The following CPLX2 variants were observed in gnomAD, a reference collection of about 807,000 sequenced individuals.
CPLX2 encodes complexin 2.
Under a neutral mutation model 16.3 loss-of-function variants are expected in CPLX2, and 5 were observed. The ratio of observed to expected loss-of-function variants is 0.31; its 90% CI spans 0.16 to 0.64. The LOEUF is 0.64. Ranked by LOEUF, CPLX2 falls within the 30% of genes least tolerant of loss-of-function variation. The pLI is 0.79. For synonymous variants in CPLX2, 89 were observed against 73.2 expected, an observed-to-expected ratio of 1.22 and a Z score of -1.10; for missense variants, 144 against 181.4, an observed-to-expected ratio of 0.79 and a Z score of 1.18.
intron 2 of CPLX2, among the ~76,000 whole-genome samples, chr5:175,855,786 A>G (rs1277892486): frequency 1.3e-5 from 2 of 152,212 alleles, no homozygotes; most frequent in Non-Finnish European, 1.5e-5. Flanking sequence ...GGCCTGGATT[A>G]CATGCCAATC....
rs780637203 is a variant in CPLX2, at chr5:175,879,997, G to A, written c.357G>A (p.Thr119=). ...AGGAAGAGGAGAGCATCCTGGACAC[G>A]GTGCTCAAATACCTGCCCGGGCCGC... is the stretch of plus-strand genomic sequence containing the variant. ...EEEEEESILD[T]VLKYLPGPLQ... is the part of the protein sequence containing the mutation. The change falls in exon 4 of 4, where the codon ACG becomes ACA. Residue 119 remains threonine (T), a synonymous_variant. Coordinates refer to ENST00000393745, the MANE Select transcript of CPLX2 (RefSeq NM_001008220.2). 1.9e-6 allele frequency: 3 copies of A among 1,613,850 alleles called. No individual in the cohort carries two copies. The highest frequency in any genetic ancestry group is 1.3e-5 in the African/African-American group (1 of 74,920).
chr5:175,832,816 C>T (rs1238306224), intron 2 of CPLX2, among the ~76,000 whole-genome samples: 1 of 152,166 alleles, frequency 6.6e-6, no homozygotes, highest in African/African-American at 2.4e-5. Context: ...AGGCCCCACA[C>T]ATGAAGCCCT....
rs532327402 is a variant in CPLX2 at position 175,836,147 on chromosome 5, G to A, written c.-89+27079G>A. Reference sequence around the variant, plus strand: ...GGGCAGATCACGAGGTCAGGAGATCGAAACCATCCTGGCTAACACGGTGAA... The same window carrying A: ...GGGCAGATCACGAGGTCAGGAGATCAAAACCATCCTGGCTAACACGGTGAA... On this transcript the variant is annotated intron_variant, in intron 2 of 4. Transcript: ENST00000359546. Among the ~76,000 whole-genome samples the A allele has an allele frequency of 8.1e-4, 123 of 152,156 alleles. 1 individual carries two copies. Among genetic ancestry groups the A allele is most frequent in the Admixed American group, 4.2e-3 (64 of 15,284 alleles).
intron 2 of CPLX2, among the ~76,000 whole-genome samples, chr5:175,842,194 C>T (rs1758956406): frequency 6.6e-6 from 1 of 152,198 alleles, no homozygotes; most frequent in African/African-American, 2.4e-5. Context: ...CTGTGGGTGC[C>T]AGCAGGATGG....
intron 1 of CPLX2, among the ~76,000 whole-genome samples, chr5:175,877,161 T>G (rs1458544946): frequency 6.6e-6 from 1 of 151,860 alleles, no homozygotes; most frequent in Non-Finnish European, 1.5e-5. Flanking sequence ...TAAGTATAGC[T>G]GCCTGGATTT....
Position 175,872,654 on chromosome 5 carries a change from C to T in CPLX2, c.-89+949C>T, listed in dbSNP as rs1335762183. Among the ~76,000 whole-genome samples, 1 of 152,172 alleles carries T rather than the reference C, an allele frequency of 6.6e-6. No individual in the cohort carries two copies. The highest frequency in any genetic ancestry group is 1.5e-5 in the Non-Finnish European group (1 of 68,028). On this transcript the variant is annotated intron_variant, in intron 1 of 3. Transcript: ENST00000393745. The surrounding 1 kb of genome is among the most constrained non-coding windows in gnomAD (Gnocchi z 5.0). ...TACCTCCTCCCATCCTCCGCTGCCC[C>T]TCCCCTCCCCCATGCGTCTCCCATC...
At chr5:175,835,162 A>G (rs1055104888) in intron 2 of CPLX2, among the ~76,000 whole-genome samples, 1 of 152,192 alleles carries the variant, frequency 6.6e-6, no homozygotes, top group African/African-American at 2.4e-5. Context: ...TTTTTGAAAA[A>G]GTAAAAACTG....
At position 175,883,823 on chromosome 5, in the gene CPLX2, C is replaced by A. The variant is rs1003528340; in HGVS notation, c.*3778C>A. On this transcript the variant is annotated 3_prime_UTR_variant, in exon 4 of 4. Coordinates refer to ENST00000393745, the MANE Select transcript of CPLX2 (RefSeq NM_001008220.2). The stretch of plus-strand genomic sequence containing the variant: ...GACCATCCTGCCCCCGTGGGGGATC[C>A]CCTTTCCCACATCCGTGCTGTGTCA... 3.3e-5 allele frequency: 5 copies of A among 152,698 alleles called. No homozygotes were observed. The highest frequency in any genetic ancestry group is 2.6e-4 in the Admixed American group (4 of 15,286). 9.5% of individuals were successfully genotyped at this position (152,698 alleles called of 1,614,324 possible).
In CPLX2 at chr5:175,829,227, G is replaced by A. The variant is rs1231636911; in HGVS notation, c.-89+20159G>A. Among the ~76,000 whole-genome samples the A allele has an allele frequency of 2.0e-5, 3 of 152,214 alleles. No individual in the cohort carries two copies. In the East Asian group the frequency reaches 5.8e-4, roughly 29 times the overall value. ...ATTTTTACAACAGCCCTGCAAGGGA[G>A]GCATTACCGTCCCCAACTTCTGGGG... On this transcript the variant is annotated intron_variant, in intron 2 of 4. Coordinates refer to the CPLX2 transcript ENST00000359546.
At chr5:175,842,915 CCCA>C (rs1254309020) in intron 2 of CPLX2, among the ~76,000 whole-genome samples, 4 of 152,332 alleles carry the variant, frequency 2.6e-5, no homozygotes, top group African/African-American at 9.6e-5. Context: ...AAGAGAACAT[CCCA>C]CCAAGTTTCC....
At chr5:175,797,624 TGA>T (rs1458611573) in intron 1 of CPLX2, among the ~76,000 whole-genome samples, 2 of 152,136 alleles carry the variant, frequency 1.3e-5, no homozygotes. Context: ...AGTGTGAGGC[TGA>T]GTTTCCGTAG....
intron 2 of CPLX2, among the ~76,000 whole-genome samples, chr5:175,835,521 T>C (rs1178943255): frequency 6.6e-6 from 1 of 152,142 alleles, no homozygotes; most frequent in African/African-American, 2.4e-5. Flanking sequence ...CACAGGCCAA[T>C]ATCCCTCATG....
chr5:175,816,480 A>G (rs577463567), intron 2 of CPLX2, among the ~76,000 whole-genome samples: 1 of 152,312 alleles, frequency 6.6e-6, no homozygotes, highest in Non-Finnish European at 1.5e-5. Context: ...GTCACTCTTA[A>G]TACCTCAGCC....
intron 1 of CPLX2, among the ~76,000 whole-genome samples, chr5:175,806,631 C>G (rs1275133375): frequency 6.6e-6 from 1 of 151,566 alleles, no homozygotes; most frequent in East Asian, 2.0e-4. Context: ...GCTGGGATTA[C>G]AGGCATGTGT....
chr5:175,806,898 T>A (rs1028271201), intron 1 of CPLX2, among the ~76,000 whole-genome samples: 6 of 152,182 alleles, frequency 3.9e-5, no homozygotes, highest in African/African-American at 1.4e-4. Context: ...CTGTGCGAGA[T>A]CAAGGCCTCT....
intron 2 of CPLX2, among the ~76,000 whole-genome samples, chr5:175,848,834 G>A (rs1384621825): frequency 6.6e-6 from 1 of 152,154 alleles, no homozygotes; most frequent in Admixed American, 6.5e-5. Context: ...GCATGTTTCA[G>A]GCAGCAGAGA....
At chr5:175,859,625 T>A (rs1759324855) in intron 2 of CPLX2, among the ~76,000 whole-genome samples, 2 of 152,238 alleles carry the variant, frequency 1.3e-5, no homozygotes, top group South Asian at 4.1e-4. Context: ...ATTGCAGAGC[T>A]GTTGGCCAAA....
intron 2 of CPLX2, among the ~76,000 whole-genome samples, chr5:175,837,361 T>A (rs138690408): frequency 0.01 from 1,560 of 152,348 alleles, 9 homozygotes; most frequent in Non-Finnish European, 0.015. Flanking sequence ...GCCAAGGCCA[T>A]CTGTTCCCTT....
In CPLX2 at chr5:175,830,782, C is replaced by T. The variant is rs1054035897; in HGVS notation, c.-89+21714C>T. On this transcript the variant is annotated intron_variant, in intron 2 of 4. Coordinates refer to the CPLX2 transcript ENST00000359546. This position sits in a 1 kb window ranked among gnomAD's most constrained non-coding sequence, Gnocchi z 4.0. Reference sequence around the variant, plus strand: ...CCTCACCCCTGTGGGCTGGGGGCAGCGTTCACCCTGCTCACAGCTCAGCCA... The same window carrying T: ...CCTCACCCCTGTGGGCTGGGGGCAGTGTTCACCCTGCTCACAGCTCAGCCA... Among the ~76,000 whole-genome samples the T allele has an allele frequency of 6.6e-6, 1 of 152,176 alleles. No homozygotes were observed. The highest frequency in any genetic ancestry group is 1.5e-5 in the Non-Finnish European group (1 of 68,022).
Sources: gnomAD v4.1 joint callset for allele counts (sites outside exome capture counted in the v4.1 genomes callset) on GRCh38, gnomAD v4.1.1 for gene constraint, Gnocchi (gnomAD v3.1) non-coding constraint, MANE v1.5 for transcripts, NCBI Gene and HGNC (gene_info 2026-07-23, HGNC 2026-07-21) for gene names.